TNFSF4: variants seen among roughly 807,000 people sequenced by gnomAD.
The protein encoded by TNFSF4 is TNF superfamily member 4.
TNFSF4 carries 4 observed loss-of-function variants against 7.3 expected under a neutral mutation model. The ratio of observed to expected loss-of-function variants is 0.55; its 90% CI spans 0.27 to 1.25. The LOEUF (loss-of-function observed/expected upper bound fraction) is 1.25, where lower values mean the gene tolerates loss of function less well. TNFSF4 is among the 50% of genes most tolerant of loss of function. The pLI, the probability that TNFSF4 is intolerant of heterozygous loss-of-function variation, is 0.12. For synonymous variants in TNFSF4, 76 were observed against 83.7 expected (o/e 0.91, Z 0.50); for missense variants, 181 against 208.8 (o/e 0.87, Z 0.82).
chr1:173,428,539 C>T, the TNFSF4 span, among the ~76,000 whole-genome samples: 2 of 152,152 alleles, frequency 1.3e-5, no homozygotes, highest in Admixed American at 6.5e-5. Flanking sequence ...TTAATTCAAA[C>T]AAGCTGTAAA....
the TNFSF4 span, among the ~76,000 whole-genome samples, chr1:173,280,495 A>G: frequency 1.3e-5 from 2 of 152,236 alleles, no homozygotes; most frequent in Non-Finnish European, 2.9e-5. Context: ...ATGAAGACAA[A>G]ACACAATAAT....
the TNFSF4 span, among the ~76,000 whole-genome samples, chr1:173,321,566 T>C: frequency 1.3e-5 from 2 of 152,068 alleles, no homozygotes; most frequent in South Asian, 4.1e-4. Flanking sequence ...AGAAAATTTT[T>C]GCAAGATACC....
At chr1:173,337,870 A>G in the TNFSF4 span, among the ~76,000 whole-genome samples, 1 of 152,210 alleles carries the variant, frequency 6.6e-6, no homozygotes, top group East Asian at 1.9e-4. Flanking sequence ...ATGCATGAAG[A>G]TATTTGTGTC....
At chr1:173,200,284 C>T (rs1232774377) in intron 1 of TNFSF4, among the ~76,000 whole-genome samples, 2 of 152,164 alleles carry the variant, frequency 1.3e-5, no homozygotes, top group African/African-American at 4.8e-5. Flanking sequence ...AGTCTCTATA[C>T]CTCATATTTC....
At chr1:173,312,314 A>G in the TNFSF4 span, among the ~76,000 whole-genome samples, 1 of 152,084 alleles carries the variant, frequency 6.6e-6, no homozygotes, top group Admixed American at 6.6e-5. Flanking sequence ...TTTTCATTTC[A>G]TCAGTTGCTT....
At chr1:173,261,993 C>A in the TNFSF4 span, among the ~76,000 whole-genome samples, 1 of 152,190 alleles carries the variant, frequency 6.6e-6, no homozygotes. Flanking sequence ...AGACCAACAT[C>A]ATCCTGATAC....
At chr1:173,310,973 T>G in the TNFSF4 span, among the ~76,000 whole-genome samples, 1 of 151,960 alleles carries the variant, frequency 6.6e-6, no homozygotes, top group Non-Finnish European at 1.5e-5. Context: ...ATCATGTAAT[T>G]TTAATCTTTT....
chr1:173,290,777 A>G, the TNFSF4 span, among the ~76,000 whole-genome samples: 1 of 152,202 alleles, frequency 6.6e-6, no homozygotes, highest in Non-Finnish European at 1.5e-5. Context: ...AACAGAATAT[A>G]CATTCTTCTA....
rs750344355 is a variant in TNFSF4 at position 173,207,099 on chromosome 1, C to G, written c.78G>C (p.Leu26=). ...CCAGTCCCTGAATTACAGAGGCCAC[C>G]AGCAATAGCTTGTTCCTCTCGAATC... ...RPRFERNKLL[L]VASVIQGLGL... Residue 26 remains leucine (L), a synonymous_variant, in exon 1 of 3, where the codon CTG becomes CTC. Transcript: ENST00000281834. 3.7e-6 allele frequency: 6 copies of G among 1,613,858 alleles called. No individual in the cohort carries two copies. The highest frequency in any genetic ancestry group is 4.2e-6 in the Non-Finnish European group (5 of 1,179,892).
chr1:173,275,717 G>C, the TNFSF4 span, among the ~76,000 whole-genome samples: 1 of 152,118 alleles, frequency 6.6e-6, no homozygotes, highest in Admixed American at 6.6e-5. Context: ...GGGAAAAAAA[G>C]TTGTTGACAA....
the TNFSF4 span, among the ~76,000 whole-genome samples, chr1:173,284,934 T>C: frequency 6.6e-6 from 1 of 152,198 alleles, no homozygotes; most frequent in Non-Finnish European, 1.5e-5. Context: ...CTGCAGTCCA[T>C]GGATCAAGGA....
At chr1:173,367,333 C>T in the TNFSF4 span, among the ~76,000 whole-genome samples, 1 of 152,232 alleles carries the variant, frequency 6.6e-6, no homozygotes, top group African/African-American at 2.4e-5. Flanking sequence ...GAACCTATCT[C>T]TTTGTGTTAC....
chr1:173,193,038 A>G (rs1448184602), intron 1 of TNFSF4, among the ~76,000 whole-genome samples: 4 of 152,214 alleles, frequency 2.6e-5, no homozygotes, highest in Non-Finnish European at 5.9e-5. Context: ...GAAGGAATGG[A>G]TTAAAGAAAA....
chr1:173,210,287 C>T (rs970703175), upstream of TNFSF4, among the ~76,000 whole-genome samples: 1 of 152,104 alleles, frequency 6.6e-6, no homozygotes, highest in Non-Finnish European at 1.5e-5. Context: ...GTTCTGGGTC[C>T]TAGGTATCAG....
At chr1:173,411,701 C>A in the TNFSF4 span, among the ~76,000 whole-genome samples, 1 of 152,262 alleles carries the variant, frequency 6.6e-6, no homozygotes, top group East Asian at 1.9e-4. Context: ...ACTCAGGAGG[C>A]TGAAGCATGA....
At chr1:173,232,332 T>A in the TNFSF4 span, among the ~76,000 whole-genome samples, 1 of 152,250 alleles carries the variant, frequency 6.6e-6, no homozygotes, top group Non-Finnish European at 1.5e-5. Context: ...TCCTGAGACT[T>A]TGCTGAAGTT....
chr1:173,182,871 T>A (rs1649080134), downstream of TNFSF4, among the ~76,000 whole-genome samples: 3 of 152,170 alleles, frequency 2.0e-5, no homozygotes, highest in South Asian at 6.2e-4. Context: ...ATTGTGTGGG[T>A]GAGGAGAACT....
chr1:173,258,372 A>C, the TNFSF4 span, among the ~76,000 whole-genome samples: 3 of 152,124 alleles, frequency 2.0e-5, no homozygotes, highest in Non-Finnish European at 4.4e-5. Context: ...CCGAGAGCAG[A>C]TTAGCACAGG....
At chr1:173,230,433 T>A in the TNFSF4 span, among the ~76,000 whole-genome samples, 1 of 152,178 alleles carries the variant, frequency 6.6e-6, no homozygotes, top group Non-Finnish European at 1.5e-5. Flanking sequence ...CAAAGCAGTG[T>A]GTAGAGGGAA....
Sources: gnomAD v4.1 joint callset for allele counts (sites outside exome capture counted in the v4.1 genomes callset) on GRCh38, gnomAD v4.1.1 for gene constraint, MANE v1.5 for transcripts, NCBI Gene and HGNC (gene_info 2026-07-23, HGNC 2026-07-21) for gene names.